Variants in PHACTR1 observed in about 807,000 individuals in gnomAD.
The protein encoded by PHACTR1 is RPEL repeat containing 1.
Under a neutral mutation model 69.2 loss-of-function variants are expected in PHACTR1, and 16 were observed. The observed-to-expected ratio is 0.23, with a 90% CI of 0.16 to 0.35. The LOEUF is 0.35. PHACTR1 is among the 10% of genes least tolerant of loss of function. PHACTR1 has a pLI of 1.00. For missense variants in PHACTR1, 510 were observed against 734.7 expected, an observed-to-expected ratio of 0.69 and a Z score of 3.54; for synonymous variants, 312 against 284.5, an observed-to-expected ratio of 1.10 and a Z score of -0.97.
At chr6:13,204,389 G>T (rs1765619797) in intron 7 of PHACTR1, among the ~76,000 whole-genome samples, 1 of 151,708 alleles carries the variant, frequency 6.6e-6, no homozygotes, top group Admixed American at 6.6e-5. Flanking sequence ...AACACGGGGT[G>T]CCAGTGGGGC....
At chr6:12,968,733 A>G (rs1023232823) in intron 4 of PHACTR1, among the ~76,000 whole-genome samples, 2 of 152,174 alleles carry the variant, frequency 1.3e-5, no homozygotes, top group African/African-American at 2.4e-5. Context: ...TGATGATTTG[A>G]TGAGAATTGT....
At chr6:12,830,228 G>T (rs1267093376) in intron 4 of PHACTR1, among the ~76,000 whole-genome samples, 1 of 151,480 alleles carries the variant, frequency 6.6e-6, no homozygotes, top group Non-Finnish European at 1.5e-5. Context: ...AATTGAAAAT[G>T]AACTAAAAAC....
chr6:13,122,554 AATTT>A (rs1324246330), intron 5 of PHACTR1, among the ~76,000 whole-genome samples: 5 of 152,222 alleles, frequency 3.3e-5, no homozygotes, highest in African/African-American at 1.2e-4. Context: ...GAATGAGGGC[AATTT>A]GTTTGTCAAA....
chr6:13,141,204 C>T (rs1227996465), intron 5 of PHACTR1, among the ~76,000 whole-genome samples: 2 of 152,198 alleles, frequency 1.3e-5, no homozygotes, highest in Non-Finnish European at 2.9e-5. Context: ...CTCCCTAACT[C>T]CAGCCAAGAT....
At chr6:13,241,337 A>G (rs1772813395) in intron 10 of PHACTR1, among the ~76,000 whole-genome samples, 1 of 152,152 alleles carries the variant, frequency 6.6e-6, no homozygotes, top group Non-Finnish European at 1.5e-5. Flanking sequence ...GGCTAATGGC[A>G]TCAGCATCCC....
In PHACTR1 at chr6:13,090,574, C is replaced by T. The variant is rs771921279; in HGVS notation, c.415+37045C>T. Among the ~76,000 whole-genome samples the T allele has an allele frequency of 3.2e-4, 48 of 152,168 alleles. 1 individual carries two copies. The highest frequency in any genetic ancestry group is 1.9e-4 in the East Asian group (1 of 5,182). On this transcript the variant is annotated intron_variant, in intron 5 of 14. Coordinates refer to ENST00000332995, the MANE Select transcript of PHACTR1 (RefSeq NM_030948.6). ...TCCTGACCTCTTGATCCACCTACCT[C>T]GTCCTCCCAAAGTGATGGGATTACA...
chr6:12,903,254 G>A (rs1425424485), intron 4 of PHACTR1, among the ~76,000 whole-genome samples: 4 of 152,176 alleles, frequency 2.6e-5, no homozygotes, highest in Non-Finnish European at 5.9e-5. Context: ...AAAGCACTTA[G>A]AACAGTATAA....
chr6:13,224,083 T>C (rs1769147014), intron 8 of PHACTR1, among the ~76,000 whole-genome samples: 1 of 152,266 alleles, frequency 6.6e-6, no homozygotes, highest in African/African-American at 2.4e-5. Flanking sequence ...ATTTATTTCA[T>C]TCGGCTAAAG....
intron 4 of PHACTR1, among the ~76,000 whole-genome samples, chr6:12,793,074 A>C (rs558172865): frequency 5.3e-5 from 8 of 152,260 alleles, no homozygotes; most frequent in African/African-American, 1.9e-4. Flanking sequence ...TGTTAGAATT[A>C]AATAAAAGGA....
intron 4 of PHACTR1, among the ~76,000 whole-genome samples, chr6:12,913,814 C>CA (rs1047569047): frequency 7.2e-5 from 11 of 152,300 alleles, no homozygotes; most frequent in Admixed American, 2.0e-4. Context: ...TCACTGTTCA[C>CA]AAACAGGAGG....
chr6:12,876,524 A>G (rs1455188744), intron 4 of PHACTR1, among the ~76,000 whole-genome samples: 1 of 152,198 alleles, frequency 6.6e-6, no homozygotes, highest in East Asian at 1.9e-4. Flanking sequence ...CTGCCTTTGG[A>G]GCATTAAAAA....
At chr6:12,972,311 A>T (rs183115971) in intron 4 of PHACTR1, among the ~76,000 whole-genome samples, 1 of 152,176 alleles carries the variant, frequency 6.6e-6, no homozygotes, top group Non-Finnish European at 1.5e-5. Flanking sequence ...GGGTGAATTC[A>T]CGTGCATAGC....
chr6:13,116,516 TA>T (rs1245271639), intron 5 of PHACTR1, among the ~76,000 whole-genome samples: 1 of 152,200 alleles, frequency 6.6e-6, no homozygotes, highest in East Asian at 1.9e-4. Context: ...TTAGAAGACA[TA>T]ACAGTGTTTA....
At chr6:13,230,895 G>A (rs926273385) in intron 10 of PHACTR1, among the ~76,000 whole-genome samples, 4 of 152,042 alleles carry the variant, frequency 2.6e-5, no homozygotes, top group African/African-American at 9.7e-5. Flanking sequence ...ACATGCCTGT[G>A]GTCCCGGCTA....
intron 5 of PHACTR1, among the ~76,000 whole-genome samples, 193 bp from the exon 6 acceptor site, chr6:13,160,011 A>G (rs985363960): frequency 1.3e-5 from 2 of 152,232 alleles, no homozygotes; most frequent in African/African-American, 4.8e-5. Context: ...AAATGACATC[A>G]TCTGATTAAA....
At position 13,089,570 on chromosome 6, in the gene PHACTR1, C is replaced by T. The variant is rs372941848; in HGVS notation, c.415+36041C>T. 4.5e-4 allele frequency among the ~76,000 whole-genome samples: 68 copies of T among 152,234 alleles called. No homozygotes were observed. The South Asian group carries it at 0.013, about 30-fold the overall frequency. ...AACTTGAAGAGACTTTAGAAATTGCCTCATCCAAAGTGTTCATTAAGTGGG... is the reference window on the plus strand; with the variant it reads ...AACTTGAAGAGACTTTAGAAATTGCTTCATCCAAAGTGTTCATTAAGTGGG... On this transcript the variant is annotated intron_variant, in intron 5 of 14. Coordinates refer to ENST00000332995, the MANE Select transcript of PHACTR1 (RefSeq NM_030948.6).
At chr6:13,110,542 C>T (rs193013596) in intron 5 of PHACTR1, among the ~76,000 whole-genome samples, 188 of 152,272 alleles carry the variant, frequency 1.2e-3, no homozygotes, top group African/African-American at 4.2e-3. Flanking sequence ...AGTTCTGCTC[C>T]GTGCCGCTTT....
intron 4 of PHACTR1, among the ~76,000 whole-genome samples, chr6:13,023,003 G>C (rs1209114684): frequency 6.6e-6 from 1 of 151,738 alleles, no homozygotes; most frequent in Non-Finnish European, 1.5e-5. Context: ...GGCCATAGAG[G>C]GAGATCCTGT....
intron 5 of PHACTR1, among the ~76,000 whole-genome samples, chr6:13,136,090 C>G (rs1465361886): frequency 6.6e-6 from 1 of 152,038 alleles, no homozygotes; most frequent in Non-Finnish European, 1.5e-5. Flanking sequence ...TACCATTCTT[C>G]CAGCTTTCCA....
Sources: allele counts gnomAD v4.1 joint callset (sites outside exome capture counted in the v4.1 genomes callset), GRCh38; gene constraint gnomAD v4.1.1; transcripts MANE v1.5; gene names NCBI Gene and HGNC (gene_info 2026-07-23, HGNC 2026-07-21).